PLXNA4: variants seen among roughly 807,000 people sequenced by gnomAD.
PLXNA4 encodes plexin-A4.
Under a neutral mutation model 191.8 loss-of-function variants are expected in PLXNA4, and 44 were observed. The observed-to-expected ratio is 0.23, with a 90% CI of 0.18 to 0.29. The LOEUF is 0.29. Among genes scored for constraint, PLXNA4 ranks in the 10% least tolerant of loss-of-function variants. The probability of loss-of-function intolerance (pLI) is 1.00; values close to 1 mark genes in which losing one functional copy is unlikely to be tolerated. For synonymous variants in PLXNA4, 1,082 were observed against 1,009.5 expected (o/e 1.07, Z -1.36); for missense variants, 1,800 against 2,488.8 (o/e 0.72, Z 5.89).
chr7:132,253,401 A>G (rs796228599), intron 4 of PLXNA4, among the ~76,000 whole-genome samples: 5 of 151,770 alleles, frequency 3.3e-5, no homozygotes, highest in African/African-American at 9.7e-5. Context: ...ATGCCAAGCT[A>G]ATTTCTTTTT....
intron 9 of PLXNA4, among the ~76,000 whole-genome samples, chr7:132,222,460 G>T (rs112416756): frequency 1.7e-3 from 258 of 152,156 alleles, no homozygotes; most frequent in Non-Finnish European, 2.8e-3. Context: ...TTCTCTCAAT[G>T]CCCCTCCTGC....
At chr7:132,225,822 C>T (rs1314389509) in intron 8 of PLXNA4, among the ~76,000 whole-genome samples, 1 of 152,206 alleles carries the variant, frequency 6.6e-6, no homozygotes, top group East Asian at 1.9e-4. Context: ...ATGCACCACC[C>T]CACAACAGAT....
At chr7:132,351,300 C>CA in intron 3 of PLXNA4, among the ~76,000 whole-genome samples, 1 of 152,198 alleles carries the variant, frequency 6.6e-6, no homozygotes, top group East Asian at 1.9e-4. Context: ...TGAATTATAC[C>CA]AAATGTGAAT....
At chr7:132,250,083 G>T (rs1799191559) in intron 4 of PLXNA4, among the ~76,000 whole-genome samples, 1 of 152,186 alleles carries the variant, frequency 6.6e-6, no homozygotes, top group Admixed American at 6.5e-5. Flanking sequence ...TTGGATCCTG[G>T]ATCTGCCACC....
At chr7:132,602,756 T>TG (rs757914063) in intron 2 of PLXNA4, among the ~76,000 whole-genome samples, 1 of 152,270 alleles carries the variant, frequency 6.6e-6, no homozygotes, top group Non-Finnish European at 1.5e-5. Flanking sequence ...GAATCAGCCA[T>TG]TGATACAGAT....
intron 3 of PLXNA4, among the ~76,000 whole-genome samples, chr7:132,470,406 C>T (rs1000344414): frequency 4.6e-5 from 7 of 152,164 alleles, no homozygotes; most frequent in Non-Finnish European, 7.4e-5. Flanking sequence ...TCTCAGTAGA[C>T]CTATCTGGTC....
chr7:132,149,020 G>T (rs1795516979), intron 25 of PLXNA4, among the ~76,000 whole-genome samples: 1 of 152,202 alleles, frequency 6.6e-6, no homozygotes, highest in African/African-American at 2.4e-5. Context: ...AAGTGGCATA[G>T]TTGTGGTAGC....
chr7:132,133,328 T>C (rs1163404057), intron 30 of PLXNA4, 129 bp from the exon 31 acceptor site: 1 of 1,455,940 alleles, frequency 6.9e-7, no homozygotes. Flanking sequence ...ACTTGTGCTG[T>C]GGCCACCTGG....
intron 3 of PLXNA4, among the ~76,000 whole-genome samples, chr7:132,341,156 C>T (rs770881548): frequency 6.6e-6 from 1 of 152,178 alleles, no homozygotes; most frequent in Non-Finnish European, 1.5e-5. Flanking sequence ...TCCATCAGAA[C>T]TGAATTCTAT....
intron 8 of PLXNA4, among the ~76,000 whole-genome samples, chr7:132,225,620 C>CCT: frequency 6.6e-6 from 1 of 151,388 alleles, no homozygotes; most frequent in African/African-American, 2.4e-5. Flanking sequence ...GAGTCCGCCC[C>CCT]CCCCCACAGC....
In PLXNA4 at chr7:132,148,594, G is replaced by T. The variant is rs767225906; in HGVS notation, c.4713C>A (p.Thr1571=). Residue 1571 remains threonine (T), a synonymous_variant, in exon 26 of 32, where the codon ACC becomes ACA. Coordinates refer to ENST00000321063, the MANE Select transcript of PLXNA4 (RefSeq NM_020911.2). The part of the protein sequence containing the change: ...ARMILQDEDI[T]TKIENDWKRL... ...GCTTCCAATCATTCTCAATCTTGGT[G>T]GTGATGTCTTCATCCTGCAAGATCA... 2 of 1,614,186 alleles carry T rather than the reference G, an allele frequency of 1.2e-6. No homozygotes were observed. Among genetic ancestry groups the T allele is most frequent in the South Asian group, 2.2e-5 (2 of 91,074 alleles).
chr7:132,579,522 C>G (rs985092566), upstream of PLXNA4, among the ~76,000 whole-genome samples: 7 of 142,344 alleles, frequency 4.9e-5, no homozygotes, highest in African/African-American at 1.9e-4. Flanking sequence ...AAGTCAAAGA[C>G]CTTTTTTTTT....
intron 3 of PLXNA4, among the ~76,000 whole-genome samples, chr7:132,312,200 G>A (rs991443130): frequency 1.3e-5 from 2 of 151,196 alleles, no homozygotes; most frequent in Admixed American, 6.6e-5. Context: ...TACTCCTTCT[G>A]CCAGAAGCCT....
intron 3 of PLXNA4, among the ~76,000 whole-genome samples, chr7:132,302,867 T>TTTTG (rs577272215): frequency 6.6e-6 from 1 of 152,028 alleles, no homozygotes; most frequent in South Asian, 2.1e-4. Flanking sequence ...TAGATTTCTT[T>TTTTG]TTTGTTTGTT....
chr7:132,529,668 C>A (rs528220340), intron 1 of PLXNA4, among the ~76,000 whole-genome samples: 8 of 147,620 alleles, frequency 5.4e-5, no homozygotes, highest in African/African-American at 2.0e-4. Context: ...TGCAGTGGTG[C>A]GATCTCGGCT....
chr7:132,315,033 T>G (rs1038918951), intron 3 of PLXNA4, among the ~76,000 whole-genome samples: 1 of 152,250 alleles, frequency 6.6e-6, no homozygotes, highest in African/African-American at 2.4e-5. Context: ...TCCACTCTCC[T>G]GAGCAAGTTA....
intron 4 of PLXNA4, among the ~76,000 whole-genome samples, chr7:132,242,671 T>G (rs1324021064): frequency 6.6e-6 from 1 of 152,212 alleles, no homozygotes; most frequent in Non-Finnish European, 1.5e-5. Flanking sequence ...GGCAGTGACC[T>G]TGACCTTGGT....
intron 1 of PLXNA4, among the ~76,000 whole-genome samples, chr7:132,520,073 C>T (rs1416462777): frequency 2.6e-5 from 4 of 152,186 alleles, no homozygotes; most frequent in Non-Finnish European, 5.9e-5. Context: ...ATGATTACAA[C>T]ACCCAGGGGT....
intron 4 of PLXNA4, among the ~76,000 whole-genome samples, chr7:132,248,267 C>T (rs1799128872): frequency 1.3e-5 from 2 of 152,204 alleles, no homozygotes; most frequent in Non-Finnish European, 2.9e-5. Flanking sequence ...AGGAGACAAC[C>T]CTGGCTGATG....
Sources: allele counts gnomAD v4.1 joint callset (sites outside exome capture counted in the v4.1 genomes callset), GRCh38; gene constraint gnomAD v4.1.1; transcripts MANE v1.5; gene names NCBI Gene and HGNC (gene_info 2026-07-23, HGNC 2026-07-21).